The following ARHGEF4 variants were observed in gnomAD, a reference collection of about 807,000 sequenced individuals.
The protein encoded by ARHGEF4 is APC-stimulated guanine nucleotide exchange factor 1.
ARHGEF4 carries 119 observed loss-of-function variants against 162.0 expected under a neutral mutation model. That is an observed-to-expected ratio of 0.73 (90% confidence interval 0.63 to 0.86). ARHGEF4 has a LOEUF of 0.86. Among genes scored for constraint, ARHGEF4 ranks in the 40% least tolerant of loss-of-function variants. The probability of loss-of-function intolerance (pLI) is 0.00; values close to 1 mark genes in which losing one functional copy is unlikely to be tolerated. For synonymous variants in ARHGEF4, 1,014 were observed against 979.9 expected, an observed-to-expected ratio of 1.03 and a Z score of -0.65; for missense variants, 2,488 against 2,456.0, an observed-to-expected ratio of 1.01 and a Z score of -0.28.
intron 1 of ARHGEF4, among the ~76,000 whole-genome samples, chr2:130,841,211 C>T (rs1364830851): frequency 3.9e-5 from 6 of 151,978 alleles, no homozygotes; most frequent in Non-Finnish European, 7.4e-5. Context: ...ATTACAGGCA[C>T]GCACCACCAT....
intron 1 of ARHGEF4, among the ~76,000 whole-genome samples, chr2:130,854,422 G>A (rs1490095330): frequency 3.3e-5 from 5 of 152,208 alleles, no homozygotes; most frequent in African/African-American, 9.7e-5. Context: ...CAGCAGGTAT[G>A]GCCAAGAAGA....
intron 1 of ARHGEF4, among the ~76,000 whole-genome samples, chr2:130,876,183 C>T (rs1678829323): frequency 6.6e-6 from 1 of 152,182 alleles, no homozygotes; most frequent in South Asian, 2.1e-4. Flanking sequence ...GGCTTGTTTG[C>T]TGTCTGTCTT....
intron 4 of ARHGEF4, among the ~76,000 whole-genome samples, chr2:131,014,560 T>C (rs1688658079): frequency 6.6e-6 from 1 of 152,234 alleles, no homozygotes; most frequent in African/African-American, 2.4e-5. Flanking sequence ...AGAATGTCTC[T>C]CCATATTTAG....
intron 4 of ARHGEF4, among the ~76,000 whole-genome samples, chr2:130,950,850 C>T (rs958254911): frequency 2.6e-5 from 4 of 152,130 alleles, no homozygotes; most frequent in Non-Finnish European, 5.9e-5. Context: ...ACATGTACTT[C>T]AGTACTTCAT....
At chr2:130,846,822 G>A (rs1169189081) in intron 1 of ARHGEF4, among the ~76,000 whole-genome samples, 2 of 152,154 alleles carry the variant, frequency 1.3e-5, no homozygotes, top group Admixed American at 1.3e-4. Flanking sequence ...TCAGACATGA[G>A]TCCGGAGAGT....
In ARHGEF4 at chr2:130,899,149, CTCTT is replaced by C. The variant is rs1044029816; in HGVS notation, c.40-14835_40-14832del. Among the ~76,000 whole-genome samples the C allele has an allele frequency of 7.6e-4, 115 of 152,300 alleles. 1 individual carries two copies. Among genetic ancestry groups the C allele is most frequent in the Non-Finnish European group, 6.6e-4 (45 of 68,028 alleles). On this transcript the variant is annotated intron_variant, in intron 1 of 13. Coordinates refer to ENST00000409359, the MANE Select transcript of ARHGEF4 (RefSeq NM_001367493.1). ...TTACATCCAGCCCAGCCAGGGTACT[CTCTT>C]TATTTTAAGGTCAACCGATTAGTAA...
chr2:131,031,796 G>A (rs984828845), intron 5 of ARHGEF4, among the ~76,000 whole-genome samples: 1 of 152,154 alleles, frequency 6.6e-6, no homozygotes, highest in Non-Finnish European at 1.5e-5. Flanking sequence ...CCAGTTCCTC[G>A]CCCTCCCCCT....
intron 4 of ARHGEF4, among the ~76,000 whole-genome samples, chr2:130,952,117 T>C (rs1056017710): frequency 2.0e-5 from 3 of 152,214 alleles, no homozygotes; most frequent in African/African-American, 7.2e-5. Context: ...TCTAGTACTC[T>C]TTTTGTATTC....
rs891700955 is a variant in ARHGEF4, at chr2:131,041,474, C to G, written c.4895+12C>G. 4 of 1,607,126 alleles carry G rather than the reference C, an allele frequency of 2.5e-6. No homozygotes were observed. Among genetic ancestry groups the G allele is most frequent in the Non-Finnish European group, 3.4e-6 (4 of 1,176,680 alleles). ...CACCCCCAGCACAGGTAGGAGGGCA[C>G]TGAGGCAGGGAGGCAGCCCACGCCT... On this transcript the variant is annotated intron_variant, in intron 9 of 13. Coordinates refer to ENST00000409359, the MANE Select transcript of ARHGEF4 (RefSeq NM_001367493.1).
chr2:130,922,101 GGCTCAA>G (rs1264389287), intron 2 of ARHGEF4, among the ~76,000 whole-genome samples: 9 of 151,980 alleles, frequency 5.9e-5, no homozygotes, highest in African/African-American at 2.2e-4. Flanking sequence ...CGGGCGCAGT[GGCTCAA>G]GCCTGTAATC....
chr2:130,945,735 A>G (rs1683573423), intron 3 of ARHGEF4, among the ~76,000 whole-genome samples: 1 of 152,206 alleles, frequency 6.6e-6, no homozygotes, highest in Non-Finnish European at 1.5e-5. Flanking sequence ...TAGAGTCCTC[A>G]AACGGCTGAT....
At chr2:130,976,054 G>A (rs963030619) in intron 4 of ARHGEF4, among the ~76,000 whole-genome samples, 12 of 152,082 alleles carry the variant, frequency 7.9e-5, no homozygotes, top group Non-Finnish European at 1.0e-4. Flanking sequence ...AGGTCTATCC[G>A]AATCCCGTGT....
chr2:130,992,336 A>G (rs1214948625), intron 4 of ARHGEF4, among the ~76,000 whole-genome samples: 2 of 151,552 alleles, frequency 1.3e-5, no homozygotes, highest in Non-Finnish European at 3.0e-5. Context: ...TCTTTGCAAT[A>G]AATCTTGCTA....
chr2:131,038,937 G>C lies in ARHGEF4; in HGVS notation c.4210G>C (p.Gly1404Arg). 1 of 1,613,772 alleles carries C rather than the reference G, an allele frequency of 6.2e-7. No individual in the cohort carries two copies. Among genetic ancestry groups the C allele is most frequent in the Non-Finnish European group, 8.5e-7 (1 of 1,180,014 alleles). The change falls in exon 6 of 14, where the codon GGG becomes CGG. Residue 1404 changes from glycine to arginine, a missense_variant. Gly to Arg is a moderately radical substitution (Grantham distance 125). Transcript: ENST00000409359. Reference protein sequence around the residue: ...MDDQELGFKAGDVIEVMDATN... With the variant: ...MDDQELGFKARDVIEVMDATN... Reference sequence around the variant, plus strand: ...CGACCAGGAGCTGGGCTTCAAAGCTGGGGACGTCATCGAAGTGATGGATGC... The same window carrying C: ...CGACCAGGAGCTGGGCTTCAAAGCTCGGGACGTCATCGAAGTGATGGATGC...
chr2:130,868,907 C>T (rs896985923), intron 1 of ARHGEF4, among the ~76,000 whole-genome samples: 1 of 152,212 alleles, frequency 6.6e-6, no homozygotes, highest in Non-Finnish European at 1.5e-5. Context: ...CTTATGGCAC[C>T]CCCGTCCTTA....
chr2:130,950,666 G>T (rs781717866), intron 4 of ARHGEF4, among the ~76,000 whole-genome samples: 4 of 151,380 alleles, frequency 2.6e-5, no homozygotes, highest in Non-Finnish European at 5.9e-5. Flanking sequence ...CTCATAAGAA[G>T]CTCTGTACCT....
intron 4 of ARHGEF4, among the ~76,000 whole-genome samples, chr2:131,007,792 T>C (rs1688211725): frequency 6.7e-6 from 1 of 149,088 alleles, no homozygotes; most frequent in Non-Finnish European, 1.5e-5. Context: ...AAATTATTCT[T>C]TTCTTTTCTT....
chr2:130,931,321 C>T (rs1204901529), intron 3 of ARHGEF4, 64 bp downstream of exon 3: 21 of 1,466,762 alleles, frequency 1.4e-5, no homozygotes, highest in Non-Finnish European at 1.8e-5. Context: ...CTGCAGCTGC[C>T]TGTTGCTTCC....
rs1691279953 is a variant in ARHGEF4, at chr2:131,046,545, T to G, written c.*356T>G. The G allele has an allele frequency of 4.7e-6, 1 of 210,548 alleles. No individual in the cohort carries two copies. The highest frequency in any genetic ancestry group is 1.4e-4 in the South Asian group (1 of 7,328). The allele number at this position is 210,548 out of a possible 1,614,324, so 13.0% of individuals were successfully genotyped here. ...GCGCTACCTGCGTGGGACCCTCTTC[T>G]CTGGAAACCTAATCCTCCTTTCATT... On this transcript the variant is annotated 3_prime_UTR_variant, in exon 14 of 14. Transcript: ENST00000409359.
Sources: allele counts gnomAD v4.1 joint callset (sites outside exome capture counted in the v4.1 genomes callset), GRCh38; gene constraint gnomAD v4.1.1; transcripts MANE v1.5; gene names NCBI Gene and HGNC (gene_info 2026-07-23, HGNC 2026-07-21).